Variants in SLIT3 observed in about 807,000 individuals in gnomAD.
SLIT3 encodes the protein slit guidance ligand 3, also known as slit homolog 3 protein.
In SLIT3, 68 loss-of-function variants were observed where a neutral mutation model predicts 184.0. The ratio of observed to expected loss-of-function variants is 0.37; its 90% CI spans 0.30 to 0.45. The LOEUF is 0.45. Ranked by LOEUF, SLIT3 falls within the 20% of genes least tolerant of loss-of-function variation. The pLI, the probability that SLIT3 is intolerant of heterozygous loss-of-function variation, is 1.00. For synonymous variants in SLIT3, 831 were observed against 828.6 expected, an observed-to-expected ratio of 1.00 and a Z score of -0.05; for missense variants, 1,707 against 2,026.0, an observed-to-expected ratio of 0.84 and a Z score of 3.02.
chr5:169,218,409 G>A (rs1372327065), intron 3 of SLIT3, among the ~76,000 whole-genome samples: 2 of 152,188 alleles, frequency 1.3e-5, no homozygotes, highest in African/African-American at 4.8e-5. Context: ...ATGGGCCAGA[G>A]ACCAGCAGCA....
intron 6 of SLIT3, among the ~76,000 whole-genome samples, chr5:168,828,658 C>CAAAAAAA (rs56974958): frequency 0.14 from 13,255 of 96,312 alleles, 1,315 homozygotes; most frequent in East Asian, 0.25. Flanking sequence ...GATCCTGACT[C>CAAAAAAA]AAAAAAAAAA....
chr5:168,736,755 G>T (rs183495923), intron 20 of SLIT3, among the ~76,000 whole-genome samples: 9 of 149,072 alleles, frequency 6.0e-5, no homozygotes, highest in Admixed American at 1.3e-4. Context: ...GTTTTCAAGA[G>T]GACCCATGTA....
intron 4 of SLIT3, among the ~76,000 whole-genome samples, chr5:168,930,681 G>A (rs1428133316): frequency 6.6e-6 from 1 of 152,068 alleles, no homozygotes; most frequent in East Asian, 1.9e-4. Flanking sequence ...GGAAGTCTGT[G>A]GCCTGGAACC....
At chr5:169,244,169 C>T (rs772771767) in intron 3 of SLIT3, among the ~76,000 whole-genome samples, 1 of 152,200 alleles carries the variant, frequency 6.6e-6, no homozygotes, top group Non-Finnish European at 1.5e-5. Context: ...CTCGTGGAAA[C>T]GTGGGGGCTT....
intron 4 of SLIT3, among the ~76,000 whole-genome samples, chr5:169,058,019 G>A (rs1758062941): frequency 6.6e-6 from 1 of 152,198 alleles, no homozygotes; most frequent in Non-Finnish European, 1.5e-5. Context: ...AGCATGTAGT[G>A]AGTTATTAAA....
chr5:168,997,563 T>C (rs1324113044), intron 4 of SLIT3, among the ~76,000 whole-genome samples: 2 of 152,170 alleles, frequency 1.3e-5, no homozygotes, highest in East Asian at 3.9e-4. Flanking sequence ...CGTGGCTTTC[T>C]AGAAGCCTTG....
rs1049846078 is a variant in SLIT3, at chr5:168,760,627, G to A, written c.1685+235C>T. Among the ~76,000 whole-genome samples the A allele has an allele frequency of 4.6e-5, 7 of 152,302 alleles. 1 individual carries two copies. The highest frequency in any genetic ancestry group is 1.7e-4 in the African/African-American group (7 of 41,564). On this transcript the variant is annotated intron_variant, in intron 16 of 35. Transcript: ENST00000519560. ...GAGCAGAGGGTCCAGGGAGGGGTCA[G>A]GGATGGTGTGGAATGCTCGCTCTGT...
At position 168,838,506 on chromosome 5, in the gene SLIT3, G is replaced by A. The variant is rs114053949; in HGVS notation, c.557+6078C>T. Among the ~76,000 whole-genome samples, 685 of 152,158 alleles carry A rather than the reference G, an allele frequency of 4.5e-3. 5 individuals carry two copies. Among genetic ancestry groups the A allele is most frequent in the African/African-American group, 5.9e-3 (244 of 41,496 alleles). ...TTGTACCATGGTACTATATATTATC[G>A]TTACGTCATTATTATTATTCGTTAA... On this transcript the variant is annotated intron_variant, in intron 6 of 35. Coordinates refer to ENST00000519560, the MANE Select transcript of SLIT3 (RefSeq NM_003062.4).
intron 12 of SLIT3, among the ~76,000 whole-genome samples, chr5:168,780,244 C>T (rs1415193348): frequency 6.6e-6 from 1 of 152,254 alleles, no homozygotes; most frequent in African/African-American, 2.4e-5. Flanking sequence ...ATATTCCAAA[C>T]TCCAGAGAGC....
Position 168,671,367 on chromosome 5 carries a change from C to A in SLIT3, c.3958G>T (p.Ala1320Ser), listed in dbSNP as rs986566486. 3 of 1,614,038 alleles carry A rather than the reference C, an allele frequency of 1.9e-6. No individual in the cohort carries two copies. The highest frequency in any genetic ancestry group is 2.5e-6 in the Non-Finnish European group (3 of 1,180,032). Residue 1320 changes from alanine to serine, a missense_variant, in exon 34 of 36, where the codon GCC becomes TCC. By Grantham distance (99) the Ala-to-Ser change is moderately conservative. Coordinates refer to ENST00000519560, the MANE Select transcript of SLIT3 (RefSeq NM_003062.4). ...ACCCCCAGGGACTGTGGTGGGAGGG[C>A]CTTGAAGTCCTGCAGCTCGTTGTTG... ...RINNELQDFKALPPQSLGVSP... is the reference protein window; with the variant it reads ...RINNELQDFKSLPPQSLGVSP...
chr5:168,866,460 A>T (rs1009879941), intron 5 of SLIT3, among the ~76,000 whole-genome samples: 12 of 152,228 alleles, frequency 7.9e-5, no homozygotes, highest in African/African-American at 2.9e-4. Flanking sequence ...GATATTAGGC[A>T]CAAAGGACTC....
chr5:168,893,101 G>GA (rs1208449633), intron 4 of SLIT3, among the ~76,000 whole-genome samples: 4 of 152,210 alleles, frequency 2.6e-5, no homozygotes, highest in Non-Finnish European at 4.4e-5. Context: ...ATCTGGTGCT[G>GA]AAAATCATCT....
At chr5:168,717,665 T>G (rs374562421) in intron 23 of SLIT3, among the ~76,000 whole-genome samples, 4 of 152,054 alleles carry the variant, frequency 2.6e-5, no homozygotes, top group East Asian at 1.9e-4. Flanking sequence ...AATCTGTCTT[T>G]TCTTTTTTTT....
At chr5:169,231,064 T>C (rs2113552100) in intron 3 of SLIT3, among the ~76,000 whole-genome samples, 1 of 152,264 alleles carries the variant, frequency 6.6e-6, no homozygotes. Context: ...TAACATTGAT[T>C]AGGAAAAAAA....
At position 169,276,330 on chromosome 5, in the gene SLIT3, G is replaced by T. The variant is rs149509911; in HGVS notation, c.197+24183C>A. ...TAGACCCATAATGTCTCTTCCTGAT[G>T]ATTTGAACTGTGTCGTCAATAAGCG... On this transcript the variant is annotated intron_variant, in intron 1 of 35. Coordinates refer to ENST00000519560, the MANE Select transcript of SLIT3 (RefSeq NM_003062.4). Among the ~76,000 whole-genome samples the T allele has an allele frequency of 1.8e-3, 270 of 152,262 alleles. 2 individuals are homozygous for T. The highest frequency in any genetic ancestry group is 6.0e-3 in the African/African-American group (248 of 41,540).
At chr5:168,784,006 A>G (rs1375247383) in intron 12 of SLIT3, among the ~76,000 whole-genome samples, 1 of 152,198 alleles carries the variant, frequency 6.6e-6, no homozygotes, top group Non-Finnish European at 1.5e-5. Context: ...GAGCTGAGAT[A>G]CACATCTTTT....
chr5:169,073,941 C>G (rs1056992019), intron 4 of SLIT3, among the ~76,000 whole-genome samples: 1 of 152,142 alleles, frequency 6.6e-6, no homozygotes, highest in Non-Finnish European at 1.5e-5. Context: ...TGTGCTTTCC[C>G]AGACTCTCTT....
intron 4 of SLIT3, among the ~76,000 whole-genome samples, chr5:168,926,298 C>A (rs112225126): frequency 2.0e-5 from 3 of 151,974 alleles, no homozygotes; most frequent in Non-Finnish European, 4.4e-5. Context: ...AGGACGGATG[C>A]GTCTGTCTAT....
At chr5:169,180,610 T>G (rs1358784417) in intron 4 of SLIT3, among the ~76,000 whole-genome samples, 1 of 152,084 alleles carries the variant, frequency 6.6e-6, no homozygotes, top group Non-Finnish European at 1.5e-5. Context: ...GATGGCAAAT[T>G]CTACCCAATA....
Sources: allele counts gnomAD v4.1 joint callset (sites outside exome capture counted in the v4.1 genomes callset), GRCh38; gene constraint gnomAD v4.1.1; transcripts MANE v1.5; gene names NCBI Gene and HGNC (gene_info 2026-07-23, HGNC 2026-07-21).